PRKCB: variants seen among roughly 807,000 people sequenced by gnomAD.
PRKCB encodes protein kinase C beta type.
PRKCB carries 13 observed loss-of-function variants against 81.5 expected under a neutral mutation model. The observed-to-expected ratio is 0.16, with a 90% CI of 0.10 to 0.25. The LOEUF is 0.25. Ranked by LOEUF, PRKCB falls within the 10% of genes least tolerant of loss-of-function variation. The probability of loss-of-function intolerance (pLI) is 1.00; values close to 1 mark genes in which losing one functional copy is unlikely to be tolerated. For synonymous variants in PRKCB, 335 were observed against 321.4 expected (o/e 1.04, Z -0.45); for missense variants, 509 against 875.7 (o/e 0.58, Z 5.29).
intron 2 of PRKCB, among the ~76,000 whole-genome samples, chr16:23,883,159 G>GA (rs796685503): frequency 6.4e-4 from 98 of 152,060 alleles, no homozygotes; most frequent in African/African-American, 2.1e-3. Flanking sequence ...TAAGCAAATT[G>GA]AAAAAAACAG....
At chr16:23,841,074 T>TTTTATTTA (rs1316152111) in intron 2 of PRKCB, among the ~76,000 whole-genome samples, 2 of 152,108 alleles carry the variant, frequency 1.3e-5, no homozygotes, top group Non-Finnish European at 2.9e-5. Context: ...TTTCTTTGCC[T>TTTTATTTA]TTTATTTATT....
intron 7 of PRKCB, among the ~76,000 whole-genome samples, chr16:24,102,182 A>C (rs370904322): frequency 6.6e-6 from 1 of 152,154 alleles, no homozygotes; most frequent in Non-Finnish European, 1.5e-5. Flanking sequence ...TACAGCTTTC[A>C]CAGCAGATAT....
chr16:23,970,974 G>T (rs936014591), intron 2 of PRKCB, among the ~76,000 whole-genome samples: 2 of 152,200 alleles, frequency 1.3e-5, no homozygotes, highest in African/African-American at 4.8e-5. Context: ...TCCATGGGCA[G>T]ATTTTCTGGG....
intron 2 of PRKCB, among the ~76,000 whole-genome samples, chr16:23,891,604 T>C (rs1963296516): frequency 6.6e-6 from 1 of 152,198 alleles, no homozygotes; most frequent in Non-Finnish European, 1.5e-5. Context: ...TAAGGGTTTG[T>C]CAGGAGCTAT....
At chr16:23,958,442 C>A (rs1017056221) in intron 2 of PRKCB, among the ~76,000 whole-genome samples, 1 of 151,952 alleles carries the variant, frequency 6.6e-6, no homozygotes, top group African/African-American at 2.4e-5. Flanking sequence ...GTAGCTGGGA[C>A]CACAGGCACC....
In PRKCB at chr16:24,219,766, C is replaced by T. The variant is rs1968293592; in HGVS notation, c.*4950C>T. ...ACTTCTTTTCTTAGAAAATTTCCAC[C>T]ACATTTCTATCCCCAAGCCAACATA... On this transcript the variant is annotated 3_prime_UTR_variant, in exon 17 of 17. Transcript: ENST00000643927. The T allele has an allele frequency of 1.4e-6, 2 of 1,389,562 alleles. No individual in the cohort carries two copies. The highest frequency in any genetic ancestry group is 1.9e-6 in the Non-Finnish European group (2 of 1,073,948). The allele number at this position is 1,389,562 out of a possible 1,614,324, so 86.1% of individuals were successfully genotyped here.
chr16:24,124,475 T>G (rs1424069779), intron 9 of PRKCB, among the ~76,000 whole-genome samples: 1 of 152,188 alleles, frequency 6.6e-6, no homozygotes, highest in African/African-American at 2.4e-5. Context: ...TGAACCTTTT[T>G]AAGCAGATTA....
At chr16:24,205,776 T>A (rs1041368614) in intron 16 of PRKCB, among the ~76,000 whole-genome samples, 1 of 152,220 alleles carries the variant, frequency 6.6e-6, no homozygotes, top group Non-Finnish European at 1.5e-5. Context: ...TCATGTGGCT[T>A]ACAGTCTAGA....
chr16:24,003,245 C>T lies in PRKCB; in HGVS notation c.288+14655C>T, dbSNP rs1272202895. ...ACTTTAGTATGCCATCTGTTTCCTG[C>T]GGGGCCCCTGACTGATGCATCTGCT... On this transcript the variant is annotated intron_variant, in intron 3 of 16. Transcript: ENST00000643927. 3.9e-5 allele frequency among the ~76,000 whole-genome samples: 6 copies of T among 152,224 alleles called. No individual in the cohort carries two copies. The South Asian group carries it at 6.2e-4, about 16-fold the overall frequency.
intron 2 of PRKCB, among the ~76,000 whole-genome samples, chr16:23,887,736 T>C (rs1257318979): frequency 1.3e-5 from 2 of 152,234 alleles, no homozygotes; most frequent in Non-Finnish European, 1.5e-5. Flanking sequence ...CTGGATTGAA[T>C]GGCAATTCTA....
chr16:24,161,230 CTT>C (rs1226271168), intron 10 of PRKCB, among the ~76,000 whole-genome samples: 1 of 152,032 alleles, frequency 6.6e-6, no homozygotes, highest in Non-Finnish European at 1.5e-5. Context: ...TTTTTAAAAA[CTT>C]ATTTAAAAAA....
At chr16:23,939,990 C>G (rs1319034526) in intron 2 of PRKCB, among the ~76,000 whole-genome samples, 1 of 152,052 alleles carries the variant, frequency 6.6e-6, no homozygotes, top group African/African-American at 2.4e-5. Flanking sequence ...AAAGAGCCCT[C>G]AAGTTTCAGC....
chr16:23,904,527 G>T (rs1198623902), intron 2 of PRKCB, among the ~76,000 whole-genome samples: 2 of 152,120 alleles, frequency 1.3e-5, no homozygotes, highest in African/African-American at 4.8e-5. Context: ...GCCAGACATG[G>T]TTGTGGGTGC....
At chr16:23,993,374 A>G (rs755263717) in intron 3 of PRKCB, among the ~76,000 whole-genome samples, 39 of 152,160 alleles carry the variant, frequency 2.6e-4, no homozygotes, top group Admixed American at 6.5e-4. Flanking sequence ...TGGCTGAAAC[A>G]TGGATTAAAA....
intron 2 of PRKCB, among the ~76,000 whole-genome samples, chr16:23,880,710 AT>A (rs138012511): frequency 7.3e-5 from 11 of 151,068 alleles, no homozygotes; most frequent in African/African-American, 2.4e-4. Context: ...TCGCTAAAAC[AT>A]TTTTTTTTCT....
chr16:23,876,208 A>T (rs924613587), intron 2 of PRKCB, among the ~76,000 whole-genome samples: 53 of 152,232 alleles, frequency 3.5e-4, no homozygotes, highest in Non-Finnish European at 1.3e-4. Context: ...TCACTCACAG[A>T]TCCCACAGCC....
chr16:24,013,611 C>A (rs573770699), intron 3 of PRKCB, among the ~76,000 whole-genome samples: 90 of 152,234 alleles, frequency 5.9e-4, no homozygotes, highest in Admixed American at 9.2e-4. Flanking sequence ...GTAATTATTA[C>A]CCCCTGCTGG....
At chr16:24,125,905 G>A (rs968252080) in intron 9 of PRKCB, among the ~76,000 whole-genome samples, 2 of 152,188 alleles carry the variant, frequency 1.3e-5, no homozygotes, top group African/African-American at 4.8e-5. Flanking sequence ...CTAAGGTTGG[G>A]AATAGGCAGT....
intron 8 of PRKCB, among the ~76,000 whole-genome samples, chr16:24,114,528 T>A (rs1480765456): frequency 1.3e-5 from 2 of 152,206 alleles, no homozygotes; most frequent in East Asian, 3.9e-4. Flanking sequence ...AATAAATCCC[T>A]TTCCTTCTAC....
Sources: gnomAD v4.1 joint callset for allele counts (sites outside exome capture counted in the v4.1 genomes callset) on GRCh38, gnomAD v4.1.1 for gene constraint, MANE v1.5 for transcripts, NCBI Gene and HGNC (gene_info 2026-07-23, HGNC 2026-07-21) for gene names.